The following PARM1 variants were observed in gnomAD, a reference collection of about 807,000 sequenced individuals.
The protein encoded by PARM1 is prostate androgen-regulated mucin-like protein 1.
A neutral mutation model predicts 24.6 loss-of-function variants in PARM1; 14 were observed. The ratio of observed to expected loss-of-function variants is 0.57; its 90% CI spans 0.38 to 0.89. PARM1 has a LOEUF of 0.89. Ranked by LOEUF, PARM1 falls within the 40% of genes least tolerant of loss-of-function variation. PARM1 has a pLI of 0.00. For missense variants in PARM1, 362 were observed against 380.4 expected (o/e 0.95, Z 0.40); for synonymous variants, 179 against 156.6 (o/e 1.14, Z -1.07).
At chr4:74,954,932 C>A (rs1721603253) in intron 1 of PARM1, among the ~76,000 whole-genome samples, 1 of 152,110 alleles carries the variant, frequency 6.6e-6, no homozygotes, top group Non-Finnish European at 1.5e-5. Flanking sequence ...TTCAGGAAAC[C>A]TGATTAACAG....
At chr4:75,017,097 C>T (rs1378306400) in intron 2 of PARM1, among the ~76,000 whole-genome samples, 1 of 152,134 alleles carries the variant, frequency 6.6e-6, no homozygotes, top group Non-Finnish European at 1.5e-5. Flanking sequence ...ATATCCTGTC[C>T]ATGAGATCTG....
At chr4:74,981,564 A>C (rs1013099401) in intron 1 of PARM1, among the ~76,000 whole-genome samples, 1 of 152,096 alleles carries the variant, frequency 6.6e-6, no homozygotes, top group Non-Finnish European at 1.5e-5. Context: ...ATGGAAGACA[A>C]TGTAGCTATT....
At chr4:74,956,076 A>T (rs1039142156) in intron 1 of PARM1, 1 of 152,266 alleles carries the variant, frequency 6.6e-6, no homozygotes, top group African/African-American at 2.4e-5. Context: ...TTAAAAATTT[A>T]TATAACACAA....
intron 3 of PARM1, among the ~76,000 whole-genome samples, chr4:75,042,387 A>G (rs1005352417): frequency 6.6e-5 from 10 of 152,202 alleles, no homozygotes; most frequent in Non-Finnish European, 8.8e-5. Context: ...TGACCTTACA[A>G]TGACATCATT....
intron 1 of PARM1, chr4:74,994,349 A>G (rs1388672187): frequency 1.3e-5 from 2 of 152,214 alleles, no homozygotes; most frequent in Non-Finnish European, 2.9e-5. Flanking sequence ...GCTTCAGCAG[A>G]TGACATTCAT....
At chr4:74,982,427 A>G (rs1722275045) in intron 1 of PARM1, among the ~76,000 whole-genome samples, 1 of 152,232 alleles carries the variant, frequency 6.6e-6, no homozygotes, top group Admixed American at 6.5e-5. Flanking sequence ...AAACCTGTAC[A>G]TCCTGCACAT....
intron 1 of PARM1, among the ~76,000 whole-genome samples, chr4:74,972,938 A>G (rs1722065882): frequency 6.6e-6 from 1 of 152,158 alleles, no homozygotes; most frequent in Admixed American, 6.5e-5. Flanking sequence ...TTTTGAGTAG[A>G]TGACAGTAAA....
intron 3 of PARM1, among the ~76,000 whole-genome samples, chr4:75,041,967 T>C (rs1461555145): frequency 2.0e-5 from 3 of 152,230 alleles, no homozygotes; most frequent in African/African-American, 7.2e-5. Flanking sequence ...AGCCACATCA[T>C]TGCATGCTAG....
chr4:74,970,742 T>A (rs1722015136), intron 1 of PARM1, among the ~76,000 whole-genome samples: 1 of 152,190 alleles, frequency 6.6e-6, no homozygotes, highest in Non-Finnish European at 1.5e-5. Context: ...GGCAGCAATT[T>A]AATTTTTATG....
chr4:74,942,201 T>G (rs918308783), intron 1 of PARM1, among the ~76,000 whole-genome samples: 2 of 152,236 alleles, frequency 1.3e-5, no homozygotes, highest in African/African-American at 4.8e-5. Flanking sequence ...AAAAGAAATG[T>G]TGGTGGTATT....
In PARM1 at chr4:75,028,436, G is replaced by A. The variant is rs74994823; in HGVS notation, c.770-5447G>A. On this transcript the variant is annotated intron_variant, in intron 2 of 3. Coordinates refer to ENST00000307428, the MANE Select transcript of PARM1 (RefSeq NM_015393.4). ...TGGTGACCTTGACTGAAGGAGCTGC[G>A]GCACACCCTGAAGTGGCCACCTGCT... Among the ~76,000 whole-genome samples the A allele has an allele frequency of 2.3e-3, 350 of 152,246 alleles. 1 individual carries two copies. Among genetic ancestry groups the A allele is most frequent in the African/African-American group, 7.6e-3 (316 of 41,542 alleles).
At chr4:74,990,748 G>C (rs1722451320) in intron 1 of PARM1, among the ~76,000 whole-genome samples, 1 of 152,076 alleles carries the variant, frequency 6.6e-6, no homozygotes, top group South Asian at 2.1e-4. Flanking sequence ...TTTGCCAGAT[G>C]GCAAAATTTT....
At chr4:75,008,594 GA>G (rs1722814025) in intron 1 of PARM1, among the ~76,000 whole-genome samples, 1 of 152,150 alleles carries the variant, frequency 6.6e-6, no homozygotes, top group Non-Finnish European at 1.5e-5. Context: ...AATGTCATTC[GA>G]AAATGGCATT....
chr4:75,031,735 T>G (rs1723281022), intron 2 of PARM1, among the ~76,000 whole-genome samples: 1 of 152,190 alleles, frequency 6.6e-6, no homozygotes. Context: ...TGCAAAAAAA[T>G]CAGCTATATT....
At chr4:75,036,842 C>T (rs1436842401) in intron 3 of PARM1, among the ~76,000 whole-genome samples, 1 of 152,266 alleles carries the variant, frequency 6.6e-6, no homozygotes, top group East Asian at 1.9e-4. Context: ...GTAAGATATA[C>T]AGTGGCATAA....
rs1234561184 is a variant in PARM1, at chr4:75,050,096, A to G, written c.*3849A>G. 6.6e-6 allele frequency: 1 copy of G among 152,608 alleles called. No homozygotes were observed. Among genetic ancestry groups the G allele is most frequent in the African/African-American group, 2.4e-5 (1 of 41,448 alleles). 9.5% of individuals were successfully genotyped at this position (152,608 alleles called of 1,614,324 possible). ...CATACCAATTATAATTATATCAATT[A>G]AAGTTGATAAAAGCTTCCATCTGTC... On this transcript the variant is annotated 3_prime_UTR_variant, in exon 4 of 4. Coordinates refer to ENST00000307428, the MANE Select transcript of PARM1 (RefSeq NM_015393.4).
chr4:75,004,304 G>A (rs1722733187), intron 1 of PARM1, among the ~76,000 whole-genome samples: 1 of 152,220 alleles, frequency 6.6e-6, no homozygotes, highest in Admixed American at 6.5e-5. Context: ...TATTATCAGG[G>A]CTCCTAGCCT....
intron 1 of PARM1, among the ~76,000 whole-genome samples, chr4:75,003,361 G>A (rs1476382072): frequency 6.6e-6 from 1 of 151,582 alleles, no homozygotes; most frequent in Non-Finnish European, 1.5e-5. Flanking sequence ...TTTCTCCCAG[G>A]AAGTACAGCA....
intron 2 of PARM1, among the ~76,000 whole-genome samples, chr4:75,020,541 C>G (rs1164312508): frequency 6.6e-6 from 1 of 151,946 alleles, no homozygotes; most frequent in Non-Finnish European, 1.5e-5. Flanking sequence ...ACACAGCAGC[C>G]AGAGTGACAG....
Sources: gnomAD v4.1 joint callset for allele counts (sites outside exome capture counted in the v4.1 genomes callset) on GRCh38, gnomAD v4.1.1 for gene constraint, MANE v1.5 for transcripts, NCBI Gene and HGNC (gene_info 2026-07-23, HGNC 2026-07-21) for gene names.